The following TMCO1 variants were observed in gnomAD, a reference collection of about 807,000 sequenced individuals.
TMCO1 encodes the protein calcium load-activated calcium channel.
Under a neutral mutation model 29.3 loss-of-function variants are expected in TMCO1, and 29 were observed. That is an observed-to-expected ratio of 0.99 (90% confidence interval 0.74 to 1.35). TMCO1 has a LOEUF of 1.35. Ranked by LOEUF, TMCO1 falls within the 40% of genes most tolerant of loss-of-function variation. TMCO1 has a pLI of 0.00. For missense variants in TMCO1, 173 were observed against 225.5 expected (o/e 0.77, Z 1.49); for synonymous variants, 80 against 77.1 (o/e 1.04, Z -0.20).
intron 6 of TMCO1, among the ~76,000 whole-genome samples, chr1:165,742,152 T>G (rs1651619705): frequency 6.6e-6 from 1 of 152,246 alleles, no homozygotes; most frequent in Admixed American, 6.5e-5. Flanking sequence ...TCCTATTTAC[T>G]GCATGTGCAA....
At chr1:165,759,671 G>C in intron 2 of TMCO1, 87 bp from the exon 3 acceptor site, 1 of 1,190,994 alleles carries the variant, frequency 8.4e-7, no homozygotes, top group Middle Eastern at 2.2e-4. Flanking sequence ...ACCAATGAAA[G>C]AAGCTTGCAA....
intron 2 of TMCO1, among the ~76,000 whole-genome samples, chr1:165,767,729 C>T (rs1483377992): frequency 2.6e-5 from 4 of 152,128 alleles, no homozygotes; most frequent in African/African-American, 9.7e-5. Flanking sequence ...GCCCAGGAGG[C>T]AGTGTAGTGA....
intron 2 of TMCO1, among the ~76,000 whole-genome samples, chr1:165,764,093 C>G (rs1233439794): frequency 6.6e-6 from 1 of 152,016 alleles, no homozygotes; most frequent in Non-Finnish European, 1.5e-5. Context: ...ATATTCAAAC[C>G]AATTTGAAGC....
At chr1:165,755,420 C>T (rs569045819) in intron 3 of TMCO1, among the ~76,000 whole-genome samples, 1 of 152,100 alleles carries the variant, frequency 6.6e-6, no homozygotes, top group African/African-American at 2.4e-5. Context: ...GTAGCCCACA[C>T]CTGTAATCCC....
At chr1:165,765,538 TC>T (rs1265796084) in intron 2 of TMCO1, among the ~76,000 whole-genome samples, 4 of 152,218 alleles carry the variant, frequency 2.6e-5, no homozygotes, top group African/African-American at 9.6e-5. Flanking sequence ...CACCTCAGCC[TC>T]CCAAAGTGCT....
At position 165,733,496 on chromosome 1, in the gene TMCO1, G is replaced by C. The variant is rs183020500; in HGVS notation, c.469-5375C>G. 1.2e-4 allele frequency among the ~76,000 whole-genome samples: 19 copies of C among 152,152 alleles called. No homozygotes were observed. The East Asian group carries it at 3.5e-3, about 28-fold the overall frequency. ...TGCGCCTGTAATCCTAGCTACTTGGGAGGCTGAGGCAGGAGAATCATTTGA... is the reference window on the plus strand; with the variant it reads ...TGCGCCTGTAATCCTAGCTACTTGGCAGGCTGAGGCAGGAGAATCATTTGA... On this transcript the variant is annotated intron_variant, in intron 6 of 6. Transcript: ENST00000367881.
chr1:165,752,212 A>C (rs779008418), intron 4 of TMCO1, 43 bp from the exon 5 acceptor site: 13 of 1,509,552 alleles, frequency 8.6e-6, no homozygotes, highest in Middle Eastern at 1.7e-4. Flanking sequence ...CTAAAAAAAA[A>C]CACATCTAAA....
intron 5 of TMCO1, among the ~76,000 whole-genome samples, chr1:165,751,815 G>A (rs1472049441): frequency 6.6e-6 from 1 of 151,546 alleles, no homozygotes; most frequent in Non-Finnish European, 1.5e-5. Flanking sequence ...TATGGGAAAC[G>A]GGGCATACAG....
At chr1:165,726,171 C>G, downstream of TMCO1, 1 of 693,868 alleles carries the variant, frequency 1.4e-6, no homozygotes, top group Non-Finnish European at 2.6e-6. Flanking sequence ...CATTATCATT[C>G]GAATTATTAT....
chr1:165,760,462 T>C (rs1311068267), intron 2 of TMCO1, among the ~76,000 whole-genome samples: 25 of 151,388 alleles, frequency 1.7e-4, no homozygotes, highest in Middle Eastern at 3.2e-3. Flanking sequence ...CCAATTTTTC[T>C]GATGCATTTC....
chr1:165,758,976 T>C (rs1017878707), intron 3 of TMCO1, among the ~76,000 whole-genome samples: 1 of 152,240 alleles, frequency 6.6e-6, no homozygotes, highest in Non-Finnish European at 1.5e-5. Flanking sequence ...AATGTCATAA[T>C]GTATAAAAAC....
chr1:165,735,807 G>A (rs944093223), intron 6 of TMCO1, among the ~76,000 whole-genome samples: 29 of 152,140 alleles, frequency 1.9e-4, no homozygotes, highest in Admixed American at 1.8e-3. Context: ...GAGCCACCAC[G>A]CCTGGGTCTG....
chr1:165,768,558 T>C, intron 1 of TMCO1, 124 bp downstream of exon 1: 4 of 1,573,994 alleles, frequency 2.5e-6, no homozygotes, highest in Non-Finnish European at 3.5e-6. Context: ...AGAGATTCCC[T>C]GAAGTGGAGT....
chr1:165,768,518 T>C, intron 1 of TMCO1, 164 bp downstream of exon 1: 1 of 1,550,878 alleles, frequency 6.4e-7, no homozygotes, highest in African/African-American at 1.4e-5. Context: ...GACTCCATAC[T>C]CCCCTCCTGC....
chr1:165,731,967 C>T (rs751021123), intron 6 of TMCO1, among the ~76,000 whole-genome samples: 1 of 152,218 alleles, frequency 6.6e-6, no homozygotes, highest in Non-Finnish European at 1.5e-5. Context: ...TTTATCCTTT[C>T]GTGAAATTCT....
intron 2 of TMCO1, among the ~76,000 whole-genome samples, chr1:165,762,012 T>TAAGAC (rs1420091657): frequency 0.017 from 37 of 2,118 alleles, no homozygotes; most frequent in Middle Eastern, 0.5. Flanking sequence ...ACATTTTTAT[T>TAAGAC]AAAATGTTAT....
intron 5 of TMCO1, among the ~76,000 whole-genome samples, chr1:165,751,824 A>C (rs1652002785): frequency 6.6e-6 from 1 of 152,138 alleles, no homozygotes; most frequent in South Asian, 2.1e-4. Flanking sequence ...CGGGGCATAC[A>C]GCCTACAACA....
At chr1:165,730,701 C>T (rs1313168187) in intron 6 of TMCO1, among the ~76,000 whole-genome samples, 1 of 152,016 alleles carries the variant, frequency 6.6e-6, no homozygotes, top group Non-Finnish European at 1.5e-5. Context: ...CTCAAGCATT[C>T]TTCCCACCTC....
chr1:165,736,841 G>A (rs971383694), intron 6 of TMCO1, among the ~76,000 whole-genome samples: 13 of 151,984 alleles, frequency 8.6e-5, no homozygotes, highest in African/African-American at 2.9e-4. Flanking sequence ...TTGCTCTGCC[G>A]CCCAGGCATG....
Sources: allele counts gnomAD v4.1 joint callset (sites outside exome capture counted in the v4.1 genomes callset), GRCh38; gene constraint gnomAD v4.1.1; transcripts MANE v1.5; gene names NCBI Gene and HGNC (gene_info 2026-07-23, HGNC 2026-07-21).